CREBBP: variants seen among roughly 807,000 people sequenced by gnomAD.
The protein encoded by CREBBP is CREB-binding protein.
In CREBBP, 19 loss-of-function variants were observed where a neutral mutation model predicts 265.0. That is an observed-to-expected ratio of 0.07 (90% CI 0.05 to 0.11). The LOEUF is 0.11. Ranked by LOEUF, CREBBP falls within the 10% of genes least tolerant of loss-of-function variation. The probability of loss-of-function intolerance (pLI) is 1.00; values close to 1 mark genes in which losing one functional copy is unlikely to be tolerated. For synonymous variants in CREBBP, 1,457 were observed against 1,223.7 expected (o/e 1.19, Z -3.98); for missense variants, 2,525 against 3,219.0 (o/e 0.78, Z 5.22).
intron 2 of CREBBP, among the ~76,000 whole-genome samples, chr16:3,837,511 G>C (rs1478801257): frequency 6.6e-6 from 1 of 151,974 alleles, no homozygotes; most frequent in Non-Finnish European, 1.5e-5. Flanking sequence ...AGCTACTCGG[G>C]AGGCTGAGGC....
chr16:3,798,026 G>A (rs1023716014), intron 3 of CREBBP, among the ~76,000 whole-genome samples: 2 of 152,012 alleles, frequency 1.3e-5, no homozygotes, highest in Non-Finnish European at 2.9e-5. Flanking sequence ...ACAAAGAAAC[G>A]ACAAATACAA....
Position 3,835,576 on chromosome 16 carries a change from C to CAT in CREBBP, c.798+14720_798+14721insAT, listed in dbSNP as rs2054429231. On this transcript the variant is annotated intron_variant, in intron 2 of 30. Coordinates refer to ENST00000262367, the MANE Select transcript of CREBBP (RefSeq NM_004380.3). ...CAAAAATGCTCACAGAAGATTTCTT[C>CAT]TTTTTTTTTTTTTTTTTTTTTGAGA... Among the ~76,000 whole-genome samples, 4 of 117,452 alleles carry CAT rather than the reference C, an allele frequency of 3.4e-5. No homozygotes were observed. In the Admixed American group the frequency reaches 3.5e-4, roughly 10 times the overall value. 77.1% of individuals were successfully genotyped at this position (117,452 alleles called of 152,430 possible). A position where few individuals can be genotyped will look rare whatever the true frequency, so the allele number is the denominator to read the frequency against.
chr16:3,826,528 C>T (rs149210217), intron 2 of CREBBP, among the ~76,000 whole-genome samples: 102 of 152,218 alleles, frequency 6.7e-4, no homozygotes, highest in Non-Finnish European at 1.2e-3. Context: ...CATGACACAA[C>T]GCACCCTCAA....
Position 3,774,956 on chromosome 16 carries a change from G to A in CREBBP, c.2159-263C>T, listed in dbSNP as rs567108049. On this transcript the variant is annotated intron_variant, in intron 11 of 30. Transcript: ENST00000262367. ...CGAGGACATGAAGGCATAAGGTTGGGTAAGACAGGAACAAGTGAGACATTA... is the reference window on the plus strand; with the variant it reads ...CGAGGACATGAAGGCATAAGGTTGGATAAGACAGGAACAAGTGAGACATTA... 2.0e-5 allele frequency among the ~76,000 whole-genome samples: 3 copies of A among 152,260 alleles called. No homozygotes were observed. In the East Asian group the frequency reaches 5.8e-4, roughly 29 times the overall value.
chr16:3,834,498 C>T (rs1198286686), intron 2 of CREBBP, among the ~76,000 whole-genome samples: 1 of 152,078 alleles, frequency 6.6e-6, no homozygotes, highest in Non-Finnish European at 1.5e-5. Context: ...ACTATGGAGA[C>T]AATCAGTGGT....
At chr16:3,734,848 G>A (rs1345354252) in intron 28 of CREBBP, among the ~76,000 whole-genome samples, 1 of 152,172 alleles carries the variant, frequency 6.6e-6, no homozygotes, top group Non-Finnish European at 1.5e-5. Context: ...CCACCTCACA[G>A]ACGTGCTCTC....
At chr16:3,845,816 G>A (rs1002388050) in intron 2 of CREBBP, among the ~76,000 whole-genome samples, 1 of 150,892 alleles carries the variant, frequency 6.6e-6, no homozygotes, top group African/African-American at 2.5e-5. Context: ...GAGACCAGGA[G>A]GCAGAGGTTG....
At chr16:3,772,897 C>T (rs147940843) in intron 13 of CREBBP, among the ~76,000 whole-genome samples, 2,782 of 138,580 alleles carry the variant, frequency 0.02, 38 homozygotes, top group Non-Finnish European at 0.031. Flanking sequence ...TGGTGAAATC[C>T]CGTCTCTACT....
chr16:3,807,586 G>A (rs1596978630), intron 3 of CREBBP, among the ~76,000 whole-genome samples: 1 of 152,096 alleles, frequency 6.6e-6, no homozygotes, highest in African/African-American at 2.4e-5. Flanking sequence ...AAGCATTCCC[G>A]GCAGGCTCAG....
At chr16:3,751,578 G>A in intron 20 of CREBBP, 148 bp downstream of exon 20, 1 of 763,798 alleles carries the variant, frequency 1.3e-6, no homozygotes, top group East Asian at 2.7e-5. Context: ...GTGACAGAAT[G>A]AGAACCTGTC....
intron 1 of CREBBP, among the ~76,000 whole-genome samples, chr16:3,878,469 G>C (rs1022669392): frequency 6.6e-6 from 1 of 152,154 alleles, no homozygotes; most frequent in African/African-American, 2.4e-5. Flanking sequence ...CCTTATGATT[G>C]ATCTTTAAAA....
chr16:3,868,122 A>C (rs1237298917), intron 1 of CREBBP, among the ~76,000 whole-genome samples: 1 of 152,186 alleles, frequency 6.6e-6, no homozygotes, highest in East Asian at 1.9e-4. Flanking sequence ...AGAATACGTA[A>C]GAAACAGCTA....
intron 2 of CREBBP, among the ~76,000 whole-genome samples, chr16:3,825,173 T>C (rs2054214197): frequency 6.6e-6 from 1 of 152,358 alleles, no homozygotes; most frequent in East Asian, 1.9e-4. Flanking sequence ...AAAGTTGGCA[T>C]TTCTCAGTAT....
chr16:3,775,348 C>A (rs2053112130), intron 11 of CREBBP, among the ~76,000 whole-genome samples: 1 of 152,220 alleles, frequency 6.6e-6, no homozygotes, highest in Admixed American at 6.5e-5. Flanking sequence ...CACTTCACAG[C>A]CAGTAAGTGT....
At chr16:3,842,967 C>CAAAAAAAAAAAAAA (rs59990532) in intron 2 of CREBBP, among the ~76,000 whole-genome samples, 4 of 65,214 alleles carry the variant, frequency 6.1e-5, no homozygotes, top group African/African-American at 1.9e-4. Flanking sequence ...ACTCCCATCT[C>CAAAAAAAAAAAAAA]AAAAAAAAAA....
At chr16:3,730,782 G>A (rs1020451932) in intron 30 of CREBBP, among the ~76,000 whole-genome samples, 1 of 152,182 alleles carries the variant, frequency 6.6e-6, no homozygotes, top group Non-Finnish European at 1.5e-5. Context: ...CCATGCAAGG[G>A]ACACCCACGT....
In CREBBP at chr16:3,731,481, A is replaced by T. The variant is rs747937099; in HGVS notation, c.4891-8T>A. 2 of 1,577,508 alleles carry T rather than the reference A, an allele frequency of 1.3e-6. No individual in the cohort carries two copies. Among genetic ancestry groups the T allele is most frequent in the Non-Finnish European group, 1.7e-6 (2 of 1,163,808 alleles). On this transcript the variant is annotated splice_polypyrimidine_tract_variant and splice_region_variant and intron_variant, in intron 29 of 30. Transcript: ENST00000262367. The surrounding 1 kb of genome is among the most constrained non-coding windows in gnomAD (Gnocchi z 7.7). Reference sequence around the variant, plus strand: ...GTGGATCACGAAGAAGACCTGCAGGAGAGGAGGGGCTTTAGTCCCACACAA... The same window carrying T: ...GTGGATCACGAAGAAGACCTGCAGGTGAGGAGGGGCTTTAGTCCCACACAA...
intron 9 of CREBBP, 61 bp downstream of exon 9, chr16:3,778,639 A>T (rs750512640): frequency 1.5e-5 from 19 of 1,308,240 alleles, no homozygotes; most frequent in Non-Finnish European, 2.0e-5. Flanking sequence ...CAAAGCAGAC[A>T]AATGTAGTGC....
At chr16:3,849,150 T>C (rs947662542) in intron 2 of CREBBP, among the ~76,000 whole-genome samples, 1 of 152,170 alleles carries the variant, frequency 6.6e-6, no homozygotes, top group Admixed American at 6.6e-5. Flanking sequence ...GTGGCTGCTG[T>C]TGAGAAGCCT....
Sources: allele counts gnomAD v4.1 joint callset (sites outside exome capture counted in the v4.1 genomes callset), GRCh38; gene constraint gnomAD v4.1.1; non-coding constraint Gnocchi (gnomAD v3.1); transcripts MANE v1.5; gene names NCBI Gene and HGNC (gene_info 2026-07-23, HGNC 2026-07-21).